SP140: variants seen among roughly 807,000 people sequenced by gnomAD.
SP140 encodes SP140 nuclear body protein, also known as nuclear body protein SP140.
SP140 carries 81 observed loss-of-function variants against 125.0 expected under a neutral mutation model. The ratio of observed to expected loss-of-function variants is 0.65; its 90% CI spans 0.54 to 0.78. SP140 has a LOEUF of 0.78. Among genes scored for constraint, SP140 ranks in the 30% least tolerant of loss-of-function variants. SP140 has a pLI of 0.00. For missense variants in SP140, 858 were observed against 1,037.0 expected (o/e 0.83, Z 2.37); for synonymous variants, 312 against 354.0 (o/e 0.88, Z 1.33).
At chr2:230,233,987 G>A (rs116823545) in intron 1 of SP140, among the ~76,000 whole-genome samples, 1,725 of 152,330 alleles carry the variant, frequency 0.011, 25 homozygotes, top group African/African-American at 0.031. Flanking sequence ...CCCACTTTGA[G>A]AATTACTGTT....
intron 22 of SP140, among the ~76,000 whole-genome samples, chr2:230,299,578 C>T (rs1192000255): frequency 1.3e-5 from 2 of 152,122 alleles, no homozygotes; most frequent in Non-Finnish European, 2.9e-5. Flanking sequence ...TTTAACCAAG[C>T]ACAAATTTTC....
chr2:230,198,841 AC>A (rs1475924335), upstream of SP140, among the ~76,000 whole-genome samples: 3 of 152,018 alleles, frequency 2.0e-5, no homozygotes, highest in African/African-American at 4.8e-5. Context: ...GAAGTGATCC[AC>A]CCACCTCGGC....
chr2:230,196,773 A>T, the SP140 span, among the ~76,000 whole-genome samples: 1 of 149,436 alleles, frequency 6.7e-6, no homozygotes. Flanking sequence ...ATTCCCACCT[A>T]TGAGTGAGAA....
chr2:230,268,290 G>A (rs1051053889), intron 12 of SP140, among the ~76,000 whole-genome samples: 6 of 152,026 alleles, frequency 3.9e-5, no homozygotes, highest in East Asian at 1.9e-4. Context: ...TTGGGAGGCC[G>A]AGATGAGTGG....
intron 12 of SP140, among the ~76,000 whole-genome samples, chr2:230,261,222 A>G (rs2052180891): frequency 6.6e-6 from 1 of 151,986 alleles, no homozygotes. Flanking sequence ...CTATTGTAAA[A>G]GGGGTTGAGT....
chr2:230,276,580 A>G (rs990778187), intron 15 of SP140, among the ~76,000 whole-genome samples: 1 of 152,196 alleles, frequency 6.6e-6, no homozygotes, highest in African/African-American at 2.4e-5. Context: ...GCCTGCTAAC[A>G]CAACGTCCAT....
chr2:230,215,085 C>T (rs765403579), intron 3 of SP140: 4 of 1,613,876 alleles, frequency 2.5e-6, no homozygotes, highest in South Asian at 1.1e-5. Context: ...ACTCTGGATA[C>T]AGGGATCAAA....
upstream of SP140, chr2:230,202,751 A>C: frequency 6.2e-7 from 1 of 1,613,764 alleles, no homozygotes; most frequent in Non-Finnish European, 8.5e-7. Flanking sequence ...ATGACTTGTT[A>C]ATAGTTTAAA....
chr2:230,275,859 G>T (rs549639863), intron 15 of SP140, among the ~76,000 whole-genome samples: 2 of 152,256 alleles, frequency 1.3e-5, no homozygotes, highest in Admixed American at 1.3e-4. Context: ...TATGGAGAAA[G>T]TATGAGTGGT....
intron 10 of SP140, 58 bp from the exon 11 acceptor site, chr2:230,253,258 C>G (rs951016962): frequency 1.1e-5 from 14 of 1,272,108 alleles, no homozygotes; most frequent in Non-Finnish European, 1.5e-5. Flanking sequence ...ATTTTCCCAT[C>G]TTGGATGGCG....
chr2:230,249,956 A>G (rs2050105473), intron 9 of SP140, among the ~76,000 whole-genome samples: 1 of 152,182 alleles, frequency 6.6e-6, no homozygotes, highest in Non-Finnish European at 1.5e-5. Context: ...AATGATTCTC[A>G]TGTACATGTC....
Position 230,255,507 on chromosome 2 carries a change from T to C in SP140, c.1215T>C (p.Ser405=). The C allele has an allele frequency of 6.2e-7, 1 of 1,608,412 alleles. No individual in the cohort carries two copies. Among genetic ancestry groups the C allele is most frequent in the Non-Finnish European group, 8.5e-7 (1 of 1,177,516 alleles). The change falls in exon 12 of 27, where the codon TCT becomes TCC. Residue 405 remains serine (S), a synonymous_variant. Coordinates refer to ENST00000392045, the MANE Select transcript of SP140 (RefSeq NM_007237.5). ...ATGGAGAAGAGCGCCAGGAAGCCTC[T>C]AGCTCCCTAGCAAGACGTGGGTCAG... is the stretch of plus-strand genomic sequence containing the variant. ...MCDGEERQEA[S]SSLARRGSVS... is the part of the protein sequence containing the mutation.
chr2:230,195,995 C>T, the SP140 span, among the ~76,000 whole-genome samples: 1 of 152,112 alleles, frequency 6.6e-6, no homozygotes, highest in East Asian at 1.9e-4. Context: ...TAGAAATCAT[C>T]TCTATATTAC....
In SP140 at chr2:230,311,755, A is replaced by C. The variant is rs572194368; in HGVS notation, c.2505+160A>C. ...TCAGTTCAGAACTTAAGCTCTTCTTAGCAAAGAAACAGTGAATCAAAAGGT... is the reference window on the plus strand; with the variant it reads ...TCAGTTCAGAACTTAAGCTCTTCTTCGCAAAGAAACAGTGAATCAAAAGGT... On this transcript the variant is annotated intron_variant, in intron 26 of 26. Transcript: ENST00000392045. 2.6e-5 allele frequency among the ~76,000 whole-genome samples: 4 copies of C among 152,356 alleles called. No individual in the cohort carries two copies. In the South Asian group the frequency reaches 6.2e-4, roughly 24 times the overall value.
chr2:230,187,856 T>C, the SP140 span, among the ~76,000 whole-genome samples: 2 of 152,216 alleles, frequency 1.3e-5, no homozygotes, highest in Admixed American at 1.3e-4. Context: ...TCGATGTATC[T>C]ACTTTTATAA....
At chr2:230,288,140 G>A in intron 18 of SP140, 174 bp downstream of exon 18, 1 of 594,646 alleles carries the variant, frequency 1.7e-6, no homozygotes, top group Non-Finnish European at 2.8e-6. Flanking sequence ...AAAGAAGGAA[G>A]TAAGTTGGTG....
chr2:230,224,521 G>C (rs1345014022), upstream of SP140, among the ~76,000 whole-genome samples: 2 of 151,564 alleles, frequency 1.3e-5, no homozygotes, highest in African/African-American at 4.9e-5. Context: ...AGGACAGAGA[G>C]AGAGAGAGAG....
chr2:230,207,146 T>A (rs10167116), intron 1 of SP140, among the ~76,000 whole-genome samples: 1 of 152,110 alleles, frequency 6.6e-6, no homozygotes, highest in Non-Finnish European at 1.5e-5. Flanking sequence ...AGCAGCAAAG[T>A]TTTTTCTTTT....
intron 15 of SP140, among the ~76,000 whole-genome samples, chr2:230,281,148 A>G (rs958616271): frequency 1.3e-5 from 2 of 152,174 alleles, no homozygotes; most frequent in Non-Finnish European, 2.9e-5. Flanking sequence ...TTATTCCCCA[A>G]AATTTAATCA....
Sources: gnomAD v4.1 joint callset for allele counts (sites outside exome capture counted in the v4.1 genomes callset) on GRCh38, gnomAD v4.1.1 for gene constraint, MANE v1.5 for transcripts, NCBI Gene and HGNC (gene_info 2026-07-23, HGNC 2026-07-21) for gene names.